Variants in STARD8 observed in about 807,000 individuals in gnomAD.
The protein encoded by STARD8 is StAR related lipid transfer domain containing 8.
Under a neutral mutation model 69.4 loss-of-function variants are expected in STARD8, and 25 were observed. That is an observed-to-expected ratio of 0.36 (90% CI 0.26 to 0.50). STARD8 has a LOEUF of 0.50. Among genes scored for constraint, STARD8 ranks in the 20% least tolerant of loss-of-function variants. The pLI, the probability that STARD8 is intolerant of heterozygous loss-of-function variation, is 0.96. For missense variants in STARD8, 921 were observed against 932.5 expected, an observed-to-expected ratio of 0.99 and a Z score of 0.16; for synonymous variants, 389 against 374.6, an observed-to-expected ratio of 1.04 and a Z score of -0.45.
intron 1 of STARD8, among the ~76,000 whole-genome samples, chrX:68,650,848 G>GAAAA (rs1176234573): frequency 1.9e-5 from 2 of 107,933 alleles, no homozygotes; most frequent in Non-Finnish European, 3.9e-5. Context: ...AAACTGGTGG[G>GAAAA]CTAGGACAGC....
intron 1 of STARD8, among the ~76,000 whole-genome samples, chrX:68,648,530 G>A (rs138646864): frequency 1.8e-5 from 2 of 111,434 alleles, no homozygotes; most frequent in African/African-American, 6.5e-5. Context: ...GGAGGCCGAG[G>A]TGGGAGGATC....
At chrX:68,666,462 T>C (rs1412836387) in intron 2 of STARD8, among the ~76,000 whole-genome samples, 1 of 112,212 alleles carries the variant, frequency 8.9e-6, no homozygotes, top group Non-Finnish European at 1.9e-5. Flanking sequence ...GCAAGGCATC[T>C]TGGGAAGACG....
chrX:68,676,000 G>A (rs774311147), intron 2 of STARD8, among the ~76,000 whole-genome samples: 80 of 111,872 alleles, frequency 7.2e-4, no homozygotes, highest in Middle Eastern at 4.7e-3. Flanking sequence ...GGATTGGATC[G>A]GGTTGTCCCT....
intron 1 of STARD8, 71 bp downstream of exon 1, chrX:68,647,998 A>G (rs932314830): frequency 6.2e-6 from 7 of 1,127,573 alleles, no homozygotes; most frequent in African/African-American, 1.8e-5. Flanking sequence ...ACCACTGCGC[A>G]CCAGCTGGGA....
At chrX:68,696,384 T>C (rs1016050833) in intron 2 of STARD8, among the ~76,000 whole-genome samples, 1 of 111,165 alleles carries the variant, frequency 9.0e-6, no homozygotes, top group Non-Finnish European at 1.9e-5. Context: ...TCCTGGTAGA[T>C]AGGAATCAGT....
rs765411345 is a variant in STARD8 at position 68,722,663 on chromosome X, G to A, written c.2799+17G>A. 38 of 1,203,112 alleles carry A rather than the reference G, an allele frequency of 3.2e-5. No individual in the cohort carries two copies. Among genetic ancestry groups the A allele is most frequent in the Middle Eastern group, 2.3e-4 (1 of 4,265 alleles). On this transcript the variant is annotated intron_variant, in intron 12 of 14. Transcript: ENST00000374599. ...TGCAGGAAGGTGAGTGCCACACCAC[G>A]GGTGGCTGCTATGGGGCTGGGAGAG...
chrX:68,711,647 G>A (rs965423373), intron 2 of STARD8, among the ~76,000 whole-genome samples: 3 of 112,023 alleles, frequency 2.7e-5, no homozygotes, highest in Non-Finnish European at 5.6e-5. Flanking sequence ...TACTCACCTA[G>A]CATCTCTGAA....
At chrX:68,720,453 GATGGT>G (rs764021713) in intron 8 of STARD8, 30 bp downstream of exon 8, 2 of 1,144,443 alleles carry the variant, frequency 1.7e-6, no homozygotes, top group East Asian at 6.4e-5. Context: ...CCTGCCGGGA[GATGGT>G]GCAGGGGTGG....
At position 68,662,308 on chromosome X, in the gene STARD8, C is replaced by T. The variant is rs1376681812; in HGVS notation, c.46-3191C>T. 5.4e-5 allele frequency among the ~76,000 whole-genome samples: 6 copies of T among 111,286 alleles called. No individual in the cohort carries two copies. The East Asian group carries it at 1.7e-3, about 32-fold the overall frequency. ...CCACTGTGCCGGGCCTCTGGTCTCC[C>T]CTTCTCTAGTTTTGCCTAGGCCCCC... On this transcript the variant is annotated intron_variant, in intron 1 of 14. Coordinates refer to ENST00000374599, the MANE Select transcript of STARD8 (RefSeq NM_001142503.3).
Position 68,718,482 on chromosome X carries a change from A to G in STARD8, c.1568A>G (p.Asp523Gly). The change falls in exon 6 of 15, where the codon GAC (aspartate) becomes GGC (glycine). Residue 523 changes from aspartate to glycine, a missense_variant. Coordinates refer to ENST00000374599, the MANE Select transcript of STARD8 (RefSeq NM_001142503.3). ...GTGGAAGAAGGACACTCCATTTCTG[A>G]CACTGTGGCCTCCTCCAGCGAACTT... ...LSVEEGHSIS[D>G]TVASSSELDS... The G allele has an allele frequency of 8.3e-7, 1 of 1,211,893 alleles. No homozygotes were observed.
chrX:68,711,627 C>T (rs762663306), intron 2 of STARD8, among the ~76,000 whole-genome samples: 2 of 112,285 alleles, frequency 1.8e-5, no homozygotes, highest in East Asian at 5.6e-4. Flanking sequence ...CCACTCTTCC[C>T]TCCACTGTCT....
At chrX:68,680,001 C>A (rs2079791429) in intron 2 of STARD8, among the ~76,000 whole-genome samples, 1 of 112,162 alleles carries the variant, frequency 8.9e-6, no homozygotes, top group African/African-American at 3.2e-5. Flanking sequence ...TCAAGGCATG[C>A]CACTGCCAAC....
At chrX:68,659,579 G>A (rs749320040) in intron 1 of STARD8, among the ~76,000 whole-genome samples, 22 of 111,533 alleles carry the variant, frequency 2.0e-4, no homozygotes, top group Non-Finnish European at 4.0e-4. Context: ...CTTATAGGGC[G>A]CCTCTCCCGG....
At chrX:68,662,236 C>T (rs767311848) in intron 1 of STARD8, among the ~76,000 whole-genome samples, 10 of 109,836 alleles carry the variant, frequency 9.1e-5, no homozygotes, top group Non-Finnish European at 1.9e-4. Flanking sequence ...CTCGAACTCC[C>T]GACCTCAGGG....
At chrX:68,689,553 C>A (rs966961171) in intron 2 of STARD8, among the ~76,000 whole-genome samples, 1 of 112,579 alleles carries the variant, frequency 8.9e-6, no homozygotes, top group African/African-American at 3.2e-5. Flanking sequence ...CTCCACCTGC[C>A]CAGTCCAAGT....
intron 2 of STARD8, among the ~76,000 whole-genome samples, chrX:68,699,682 C>T (rs1162164287): frequency 8.9e-6 from 1 of 111,922 alleles, no homozygotes; most frequent in African/African-American, 3.3e-5. Context: ...CTGTTTATGG[C>T]CCCCTTAACA....
chrX:68,661,986 T>C (rs866129635), intron 1 of STARD8, among the ~76,000 whole-genome samples: 18 of 79,326 alleles, frequency 2.3e-4, no homozygotes, highest in African/African-American at 1.1e-3. Flanking sequence ...CTTTCTTTCT[T>C]TCTTTCTTTC....
At chrX:68,713,065 T>C in intron 3 of STARD8, 80 bp downstream of exon 3, 5 of 1,007,262 alleles carry the variant, frequency 5.0e-6, no homozygotes, top group Non-Finnish European at 6.8e-6. Context: ...CAAGTCAGAT[T>C]CTCTTTCCAA....
At chrX:68,699,696 G>T (rs1298597886) in intron 2 of STARD8, among the ~76,000 whole-genome samples, 1 of 111,892 alleles carries the variant, frequency 8.9e-6, no homozygotes, top group African/African-American at 3.3e-5. Flanking sequence ...CTTAACATGT[G>T]GGGGCAGGAA....
Sources: allele counts gnomAD v4.1 joint callset (sites outside exome capture counted in the v4.1 genomes callset), GRCh38; gene constraint gnomAD v4.1.1; transcripts MANE v1.5; gene names NCBI Gene and HGNC (gene_info 2026-07-23, HGNC 2026-07-21).